Variants in RPP30 observed in about 807,000 individuals in gnomAD.
The protein encoded by RPP30 is ribonuclease P protein subunit p30.
Under a neutral mutation model 38.6 loss-of-function variants are expected in RPP30, and 36 were observed. The ratio of observed to expected loss-of-function variants is 0.93; its 90% CI spans 0.71 to 1.23. The LOEUF (loss-of-function observed/expected upper bound fraction) is 1.23, where lower values mean the gene tolerates loss of function less well. Among genes scored for constraint, RPP30 ranks in the 50% most tolerant of loss-of-function variants. The pLI is 0.00. For synonymous variants in RPP30, 126 were observed against 112.7 expected (o/e 1.12, Z -0.75); for missense variants, 321 against 321.7 (o/e 1.00, Z 0.02).
intron 3 of RPP30, 66 bp from the exon 4 acceptor site, chr10:90,875,958 A>G: frequency 1.1e-6 from 1 of 925,382 alleles, no homozygotes; most frequent in Non-Finnish European, 1.8e-6. Flanking sequence ...AATACTTTCC[A>G]CTGGTAAAAA....
downstream of RPP30, among the ~76,000 whole-genome samples, chr10:90,904,282 ATTGGT>A (rs1847230853): frequency 1.3e-5 from 2 of 152,200 alleles, no homozygotes; most frequent in South Asian, 4.1e-4. Flanking sequence ...TACTGAAATA[ATTGGT>A]TATCTATTTG....
intron 5 of RPP30, among the ~76,000 whole-genome samples, chr10:90,880,792 C>T (rs1196376557): frequency 2.6e-5 from 4 of 151,660 alleles, no homozygotes; most frequent in Non-Finnish European, 5.9e-5. Flanking sequence ...TAAGTAGAAG[C>T]AAGTGATTTT....
chr10:90,879,254 A>T, intron 5 of RPP30, 120 bp downstream of exon 5: 1 of 738,894 alleles, frequency 1.4e-6, no homozygotes, highest in Non-Finnish European at 2.2e-6. Flanking sequence ...TGTTATTTAT[A>T]CTTGGAGTTT....
rs529516207 is a variant in RPP30, at chr10:90,888,872, A to T, written c.432+2971A>T. 2.6e-5 allele frequency among the ~76,000 whole-genome samples: 4 copies of T among 152,338 alleles called. No individual in the cohort carries two copies. In the South Asian group the frequency reaches 6.2e-4, roughly 24 times the overall value. ...TAACATGGTGTCTGCTTTAAAAAAAATCTGGTGTGAACATTTTGCATATGT... is the reference window on the plus strand; with the variant it reads ...TAACATGGTGTCTGCTTTAAAAAAATTCTGGTGTGAACATTTTGCATATGT... On this transcript the variant is annotated intron_variant, in intron 6 of 10. Coordinates refer to ENST00000371703, the MANE Select transcript of RPP30 (RefSeq NM_006413.5).
intron 6 of RPP30, among the ~76,000 whole-genome samples, chr10:90,891,861 A>G (rs944042000): frequency 2.0e-5 from 3 of 152,166 alleles, no homozygotes; most frequent in Non-Finnish European, 4.4e-5. Context: ...AGTACTTTTT[A>G]TTGTTTTCTT....
intron 7 of RPP30, 150 bp from the exon 8 acceptor site, chr10:90,895,304 A>AT: frequency 3.8e-6 from 2 of 528,310 alleles, no homozygotes; most frequent in Non-Finnish European, 6.5e-6. Flanking sequence ...AAGTCTTTTC[A>AT]TTTTTTTCAC....
chr10:90,905,861 A>C (rs1429675121), downstream of RPP30: 7 of 152,354 alleles, frequency 4.6e-5, no homozygotes, highest in Non-Finnish European at 1.0e-4. Context: ...TGGATGGATA[A>C]GGATATTCAC....
chr10:90,875,438 C>A, intron 2 of RPP30, 120 bp from the exon 3 acceptor site: 2 of 759,892 alleles, frequency 2.6e-6, no homozygotes, highest in Non-Finnish European at 2.2e-6. Flanking sequence ...TACCAGAAAT[C>A]ACCTTGCTTT....
At chr10:90,899,616 A>G (rs1032187163) in intron 10 of RPP30, among the ~76,000 whole-genome samples, 1 of 152,120 alleles carries the variant, frequency 6.6e-6, no homozygotes, top group Non-Finnish European at 1.5e-5. Flanking sequence ...CCTACTTCAC[A>G]TCAGCCATAT....
intron 6 of RPP30, among the ~76,000 whole-genome samples, chr10:90,893,324 C>A (rs1027404683): frequency 2.0e-5 from 3 of 152,090 alleles, no homozygotes; most frequent in South Asian, 2.1e-4. Flanking sequence ...CAGGAGTAAA[C>A]CCCAGTAGTC....
At position 90,902,030 on chromosome 10, in the gene RPP30, C is replaced by CTCATA. The variant is rs1447586559; in HGVS notation, c.*1353_*1357dup. 2 of 584,538 alleles carry CTCATA rather than the reference C, an allele frequency of 3.4e-6. No homozygotes were observed. Among genetic ancestry groups the CTCATA allele is most frequent in the African/African-American group, 4.1e-5 (2 of 49,156 alleles). The allele number at this position is 584,538 out of a possible 1,614,324, so 36.2% of individuals were successfully genotyped here. On this transcript the variant is annotated 3_prime_UTR_variant, in exon 11 of 11. Coordinates refer to ENST00000371703, the MANE Select transcript of RPP30 (RefSeq NM_006413.5). ...GCCAGGATGGTCTCAATCTCCTGAC[C>CTCATA]TCATATTCCACCCGCCTCGGCCTCC...
At chr10:90,875,949 A>G (rs555094415) in intron 3 of RPP30, 75 bp from the exon 4 acceptor site, 2 of 858,470 alleles carry the variant, frequency 2.3e-6, no homozygotes, top group African/African-American at 3.3e-5. Flanking sequence ...CTTTTAATGA[A>G]TACTTTCCAC....
In RPP30 at chr10:90,879,192, G is replaced by A. The variant is rs924698775; in HGVS notation, c.342+58G>A. Reference sequence around the variant, plus strand: ...ATATATGTTATATAAGAAGTCTGATGTTCTGACTTTGTAGATGACCTGTTT... The same window carrying A: ...ATATATGTTATATAAGAAGTCTGATATTCTGACTTTGTAGATGACCTGTTT... On this transcript the variant is annotated intron_variant, in intron 5 of 10. Coordinates refer to ENST00000371703, the MANE Select transcript of RPP30 (RefSeq NM_006413.5). 5.9e-6 allele frequency: 8 copies of A among 1,363,960 alleles called. No individual in the cohort carries two copies. The African/African-American group carries it at 1.0e-4, about 17-fold the overall frequency. The allele number at this position is 1,363,960 out of a possible 1,614,324, so 84.5% of individuals were successfully genotyped here. A position where few individuals can be genotyped will look rare whatever the true frequency, so the allele number is the denominator to read the frequency against.
At chr10:90,875,746 G>T in intron 3 of RPP30, 132 bp downstream of exon 3, 1 of 760,910 alleles carries the variant, frequency 1.3e-6, no homozygotes, top group South Asian at 1.6e-5. Flanking sequence ...TCAAGGCTCA[G>T]CTCTTCAGGA....
intron 5 of RPP30, among the ~76,000 whole-genome samples, chr10:90,881,868 A>G (rs1846931615): frequency 6.6e-6 from 1 of 152,178 alleles, no homozygotes; most frequent in South Asian, 2.1e-4. Flanking sequence ...GTCATCAAGC[A>G]TACACACACA....
intron 5 of RPP30, chr10:90,880,316 A>G (rs999401970): frequency 1.3e-5 from 2 of 152,014 alleles, no homozygotes; most frequent in African/African-American, 4.8e-5. Context: ...GTGTGCGATA[A>G]ACATTAATAG....
intron 5 of RPP30, among the ~76,000 whole-genome samples, chr10:90,882,837 A>T (rs1846949729): frequency 6.6e-6 from 1 of 152,072 alleles, no homozygotes; most frequent in South Asian, 2.1e-4. Context: ...TAAAAGTTTT[A>T]TTTTCTTCCT....
chr10:90,878,753 A>G (rs1416912431), intron 4 of RPP30, among the ~76,000 whole-genome samples: 2 of 152,158 alleles, frequency 1.3e-5, no homozygotes, highest in African/African-American at 2.4e-5. Flanking sequence ...TCGGCCTCCC[A>G]AAGTGCTGGG....
intron 5 of RPP30, among the ~76,000 whole-genome samples, 165 bp from the exon 6 acceptor site, chr10:90,885,643 AAAAG>A (rs1429391774): frequency 6.7e-6 from 1 of 150,172 alleles, no homozygotes; most frequent in Non-Finnish European, 1.5e-5. Context: ...AACCAAACCT[AAAAG>A]AGTAGCAAAA....
Sources: allele counts gnomAD v4.1 joint callset (sites outside exome capture counted in the v4.1 genomes callset), GRCh38; gene constraint gnomAD v4.1.1; transcripts MANE v1.5; gene names NCBI Gene and HGNC (gene_info 2026-07-23, HGNC 2026-07-21).